Variants in ZP3 observed in about 807,000 individuals in gnomAD.
ZP3 encodes the protein zona pellucida sperm-binding protein 3.
A neutral mutation model predicts 35.6 loss-of-function variants in ZP3; 21 were observed. That is an observed-to-expected ratio of 0.59 (90% CI 0.42 to 0.85). The LOEUF is 0.85. Ranked by LOEUF, ZP3 falls within the 40% of genes least tolerant of loss-of-function variation. The pLI, the probability that ZP3 is intolerant of heterozygous loss-of-function variation, is 0.00. For missense variants in ZP3, 437 were observed against 536.5 expected (o/e 0.81, Z 1.83); for synonymous variants, 207 against 214.5 (o/e 0.96, Z 0.31).
At chr7:76,425,416 C>T in intron 1 of ZP3, 140 bp downstream of exon 1, 3 of 912,260 alleles carry the variant, frequency 3.3e-6, no homozygotes, top group Admixed American at 2.9e-5. Flanking sequence ...CAGTTGAGGC[C>T]TGAAGCTGGC....
chr7:76,437,171 C>CTTTTTTTTTTT (rs869115807), intron 5 of ZP3, among the ~76,000 whole-genome samples: 26 of 78,702 alleles, frequency 3.3e-4, no homozygotes, highest in African/African-American at 1.2e-3. Flanking sequence ...ACCCTGTGTA[C>CTTTTTTTTTTT]TTTTTTTTTT....
chr7:76,402,357 T>A (rs1804860428), intron 1 of ZP3, among the ~76,000 whole-genome samples: 1 of 151,940 alleles, frequency 6.6e-6, no homozygotes, highest in Non-Finnish European at 1.5e-5. Flanking sequence ...TTTTTATATT[T>A]TTTAGGTAGA....
intron 1 of ZP3, among the ~76,000 whole-genome samples, chr7:76,418,550 CAAAAAAAAAAA>C (rs1203476650): frequency 1.1e-3 from 32 of 30,056 alleles, no homozygotes; most frequent in East Asian, 9.6e-3. Flanking sequence ...GATTTCATCT[CAAAAAAAAAAA>C]AAAAAAAAAA....
At chr7:76,405,631 G>C (rs151196518) in intron 1 of ZP3, among the ~76,000 whole-genome samples, 1 of 151,976 alleles carries the variant, frequency 6.6e-6, no homozygotes, top group East Asian at 1.9e-4. Flanking sequence ...GTCAGCTTCA[G>C]GGGAAAATGA....
At chr7:76,409,716 G>A (rs1805186304) in intron 1 of ZP3, 1 of 152,600 alleles carries the variant, frequency 6.6e-6, no homozygotes, top group Non-Finnish European at 1.5e-5. Flanking sequence ...GGTGGAGGCG[G>A]AGCTATGTGG....
intron 1 of ZP3, among the ~76,000 whole-genome samples, chr7:76,399,054 C>T (rs1563683459): frequency 6.6e-6 from 1 of 152,180 alleles, no homozygotes; most frequent in African/African-American, 2.4e-5. Context: ...CTCTGTCGCT[C>T]AGGCTGGAGT....
chr7:76,406,358 T>C (rs530504737), intron 1 of ZP3, among the ~76,000 whole-genome samples: 1 of 152,336 alleles, frequency 6.6e-6, no homozygotes, highest in African/African-American at 2.4e-5. Flanking sequence ...TGTATTGTTT[T>C]ATTTTCAATA....
intron 1 of ZP3, among the ~76,000 whole-genome samples, chr7:76,409,081 G>A (rs1038132062): frequency 6.6e-6 from 1 of 152,166 alleles, no homozygotes; most frequent in Non-Finnish European, 1.5e-5. Flanking sequence ...GGTAGCTATT[G>A]TTATCATTAC....
In ZP3 at chr7:76,416,233, G is replaced by T. The variant is rs576074621; in HGVS notation, c.-66-8819G>T. On this transcript the variant is annotated intron_variant, in intron 1 of 8. Coordinates refer to the ZP3 transcript ENST00000336517. The stretch of plus-strand genomic sequence containing the variant: ...GCTTGAGCCCAGGAGTTGAAGACCA[G>T]CCTGGGCAACATGGTGAAACTCTGG... Among the ~76,000 whole-genome samples, 14 of 151,984 alleles carry T rather than the reference G, an allele frequency of 9.2e-5. 1 individual carries two copies. In the South Asian group the frequency reaches 1.5e-3, roughly 16 times the overall value.
In ZP3 at chr7:76,433,603, A is replaced by G. The variant is rs1351482790; in HGVS notation, c.669A>G (p.Pro223=). Residue 223 remains proline, a synonymous_variant, in exon 4 of 8, where the codon CCA becomes CCG. Transcript: ENST00000394857. The stretch of plus-strand genomic sequence containing the variant: ...ACCACTGCGTGGCCACACCGACACC[A>G]GACCAGAATGCCTCCCCTTATCACA... The part of the protein sequence containing the change: ...FVDHCVATPT[P]DQNASPYHTI... The G allele has an allele frequency of 4.3e-6, 7 of 1,613,726 alleles. No homozygotes were observed. Among genetic ancestry groups the G allele is most frequent in the East Asian group, 2.2e-5 (1 of 44,882 alleles).
chr7:76,436,730 G>A (rs570269291), intron 5 of ZP3, among the ~76,000 whole-genome samples: 10 of 152,364 alleles, frequency 6.6e-5, no homozygotes, highest in Admixed American at 1.3e-4. Context: ...ATCAGTGACC[G>A]ATAGCTCCTT....
intron 1 of ZP3, among the ~76,000 whole-genome samples, chr7:76,413,988 CCTT>C (rs1805308886): frequency 1.5e-5 from 2 of 137,368 alleles, no homozygotes; most frequent in African/African-American, 2.9e-5. Flanking sequence ...TTCTTTCTTT[CCTT>C]CTTCTTCTTT....
Position 76,433,555 on chromosome 7 carries a change from C to T in ZP3, c.621C>T (p.His207=), listed in dbSNP as rs371263995. ...AGGCAGAAATCCACACTGGCAGCCA[C>T]GTGCCACTGCGGTTGTTTGTGGACC... ...HLQAEIHTGS[H]VPLRLFVDHC... The change falls in exon 4 of 8, where the codon CAC becomes CAT. Residue 207 remains histidine (H), a synonymous_variant. Coordinates refer to ENST00000394857, the MANE Select transcript of ZP3 (RefSeq NM_001110354.2). 5.6e-6 allele frequency: 9 copies of T among 1,614,216 alleles called. No individual in the cohort carries two copies. Among genetic ancestry groups the T allele is most frequent in the South Asian group, 2.2e-5 (2 of 91,088 alleles).
At chr7:76,433,146 T>G (rs569710906) in intron 3 of ZP3, 116 bp downstream of exon 3, 2 of 713,008 alleles carry the variant, frequency 2.8e-6, no homozygotes, top group Non-Finnish European at 4.6e-6. Context: ...TGGTTTTGGT[T>G]GGTTTTGGTT....
At chr7:76,402,374 G>A (rs534033146) in intron 1 of ZP3, among the ~76,000 whole-genome samples, 1 of 151,952 alleles carries the variant, frequency 6.6e-6, no homozygotes, top group Non-Finnish European at 1.5e-5. Context: ...TAGAAATGGG[G>A]TCTCACCATG....
chr7:76,405,323 T>TTTTCTTTCTTTC (rs765504064), intron 1 of ZP3, among the ~76,000 whole-genome samples: 3 of 29,176 alleles, frequency 1.0e-4, no homozygotes, highest in African/African-American at 4.1e-4. Context: ...ATATGTATTT[T>TTTTCTTTCTTTC]TTTCTTTCTT....
Position 76,415,364 on chromosome 7 carries a change from C to CAAAAAAAAAAAAAAAAAAAA in ZP3, c.-66-9673_-66-9672insAAAAAAAAAAAAAAAAAAAA, listed in dbSNP as rs528001072. ...CTGGCGATAGAGTGAGACTCCGTCT[C>CAAAAAAAAAAAAAAAAAAAA]AAAAAAAAAAAAAAAGGTCTGGAAT... On this transcript the variant is annotated intron_variant, in intron 1 of 8. Transcript: ENST00000336517. Among the ~76,000 whole-genome samples, 58 of 63,424 alleles carry CAAAAAAAAAAAAAAAAAAAA rather than the reference C, an allele frequency of 9.1e-4. 3 individuals are homozygous for CAAAAAAAAAAAAAAAAAAAA. The highest frequency in any genetic ancestry group is 2.0e-3 in the African/African-American group (25 of 12,352). 41.6% of individuals were successfully genotyped at this position (63,424 alleles called of 152,430 possible).
At chr7:76,419,769 CCCTCCTCCTCCTCCT>C in intron 1 of ZP3, among the ~76,000 whole-genome samples, 1 of 142,648 alleles carries the variant, frequency 7.0e-6, no homozygotes, top group Non-Finnish European at 1.5e-5. Context: ...TTTCCCCCTC[CCCTCCTCCTCCTCCT>C]CCTCCTCCCC....
rs1285393256 is a variant in ZP3 at position 76,419,227 on chromosome 7, T to C, written c.-66-5825T>C. Among the ~76,000 whole-genome samples the C allele has an allele frequency of 2.6e-5, 4 of 152,324 alleles. No homozygotes were observed. In the South Asian group the frequency reaches 8.3e-4, roughly 32 times the overall value. On this transcript the variant is annotated intron_variant, in intron 1 of 8. Transcript: ENST00000336517. Reference sequence around the variant, plus strand: ...CTTTTTCTTTATGATTTGTGCATTATTTTTGGAGGGTAGGGTCTTATTTAG... The same window carrying C: ...CTTTTTCTTTATGATTTGTGCATTACTTTTGGAGGGTAGGGTCTTATTTAG...
Sources: gnomAD v4.1 joint callset for allele counts (sites outside exome capture counted in the v4.1 genomes callset) on GRCh38, gnomAD v4.1.1 for gene constraint, MANE v1.5 for transcripts, NCBI Gene and HGNC (gene_info 2026-07-23, HGNC 2026-07-21) for gene names.